The following TUBA3E variants were observed in gnomAD, a reference collection of about 807,000 sequenced individuals.
The protein encoded by TUBA3E is tubulin alpha 3e, also known as tubulin alpha-3E chain.
TUBA3E carries 21 observed loss-of-function variants against 36.7 expected under a neutral mutation model. The ratio of observed to expected loss-of-function variants is 0.57; its 90% CI spans 0.41 to 0.83. The LOEUF is 0.83. TUBA3E is among the 40% of genes least tolerant of loss of function. TUBA3E has a pLI of 0.00. For synonymous variants in TUBA3E, 177 were observed against 241.9 expected (o/e 0.73, Z 2.49); for missense variants, 469 against 604.2 (o/e 0.78, Z 2.35).
chr2:130,191,838 G>T lies in TUBA3E; in HGVS notation c.1346C>A (p.Ala449Glu), dbSNP rs10208844. ...SVEAEAEEGE[A>E]Y ...ACCCACCACACCCTCCCCTCAGTAT[G>T]CTTCGCCTTCTTCAGCCTCAGCTTC... The change falls in exon 5 of 5, where the codon GCA becomes GAA. Residue 449 changes from alanine (A) to glutamate (E), a missense_variant. Physicochemically the swap from Ala to Glu is moderately radical, Grantham distance 107. This residue lies in a region of TUBA3E where 296 missense variants were observed against 346.9 expected (regional missense o/e 0.85). Coordinates refer to ENST00000312988, the MANE Select transcript of TUBA3E (RefSeq NM_207312.3). The T allele has an allele frequency of 0.94, 1,498,907 of 1,597,308 alleles. 703,845 individuals are homozygous for T. The highest frequency in any genetic ancestry group is 1 in the East Asian group (44,784 of 44,792).
At chr2:130,193,533 C>T (rs1268869128) in intron 4 of TUBA3E, among the ~76,000 whole-genome samples, 6 of 149,204 alleles carry the variant, frequency 4.0e-5, no homozygotes, top group Admixed American at 2.7e-4. Context: ...TGCTTGAACC[C>T]GGGAGGCAGA....
At position 130,191,914 on chromosome 2, in the gene TUBA3E, C is replaced by T. The variant is rs1690268674; in HGVS notation, c.1270G>A (p.Asp424Asn). 1.9e-6 allele frequency: 3 copies of T among 1,614,024 alleles called. No homozygotes were observed. The highest frequency in any genetic ancestry group is 1.1e-5 in the South Asian group (1 of 91,074). ...CAATCCTTCTCTAGAGCTGCCAGGTCCTCGCGGGCCTCAGAGAACTCTCCC... is the reference window on the plus strand; with the variant it reads ...CAATCCTTCTCTAGAGCTGCCAGGTTCTCGCGGGCCTCAGAGAACTCTCCC... ...EEGEFSEARE[D>N]LAALEKDCEE... Residue 424 changes from aspartate (D) to asparagine (N), a missense_variant, in exon 5 of 5, where the codon GAC (aspartate) becomes AAC (asparagine). Coordinates refer to ENST00000312988, the MANE Select transcript of TUBA3E (RefSeq NM_207312.3).
intron 1 of TUBA3E, among the ~76,000 whole-genome samples, chr2:130,197,329 A>G (rs1405688241): frequency 6.8e-6 from 1 of 147,106 alleles, no homozygotes; most frequent in Admixed American, 7.0e-5. Flanking sequence ...CCTATGAAAA[A>G]TTTACAAATT....
At chr2:130,197,002 C>A (rs1690423362) in intron 1 of TUBA3E, among the ~76,000 whole-genome samples, 1 of 152,174 alleles carries the variant, frequency 6.6e-6, no homozygotes, top group South Asian at 2.1e-4. Context: ...CCTCCTTGGC[C>A]CCTTCCTGCT....
chr2:130,195,037 T>G (rs1481924279), intron 3 of TUBA3E, 42 bp downstream of exon 3: 3 of 1,606,620 alleles, frequency 1.9e-6, no homozygotes, highest in African/African-American at 2.7e-5. Flanking sequence ...GAACTACCCC[T>G]CCCATGCAAG....
intron 3 of TUBA3E, 127 bp from the exon 4 acceptor site, chr2:130,194,593 G>A (rs756310546): frequency 1.6e-6 from 2 of 1,220,658 alleles, no homozygotes; most frequent in South Asian, 3.3e-5. Context: ...TAATAAACAT[G>A]CAATACACTT....
rs1307957770 is a variant in TUBA3E, at chr2:130,198,089, C to T, written c.3+269G>A. Reference sequence around the variant, plus strand: ...GCGCCCTCCTGTCTTCAGGAGGCGACGCCACTATTTGCTCTCTGGGGGACG... The same window carrying T: ...GCGCCCTCCTGTCTTCAGGAGGCGATGCCACTATTTGCTCTCTGGGGGACG... On this transcript the variant is annotated intron_variant, in intron 1 of 4. Transcript: ENST00000312988. Among the ~76,000 whole-genome samples the T allele has an allele frequency of 6.5e-5, 8 of 123,024 alleles. 3 individuals carry two copies. Among genetic ancestry groups the T allele is most frequent in the Non-Finnish European group, 1.3e-4 (7 of 55,840 alleles). 80.7% of individuals were successfully genotyped at this position (123,024 alleles called of 152,430 possible).
rs147970089 is a variant in TUBA3E at position 130,197,274 on chromosome 2, G to A, written c.4-903C>T. Among the ~76,000 whole-genome samples the A allele has an allele frequency of 1.7e-3, 251 of 151,770 alleles. 2 individuals are homozygous for A. Among genetic ancestry groups the A allele is most frequent in the African/African-American group, 5.8e-3 (239 of 41,414 alleles). ...GAAGGCTGAGGTGAGAGGATCACTT[G>A]GGACCAGTTTGAGACCAGCCTGGGT... is the stretch of plus-strand genomic sequence containing the variant. On this transcript the variant is annotated intron_variant, in intron 1 of 4. Transcript: ENST00000312988.
At position 130,194,193 on chromosome 2, in the gene TUBA3E, G is replaced by T. The variant is rs199933182; in HGVS notation, c.649C>A (p.Leu217Met). The change falls in exon 4 of 5, where the codon CTG becomes ATG. Residue 217 changes from leucine to methionine, a missense_variant. Transcript: ENST00000312988. ...GTGTACGTGGGACGTTCAATGTCCAGGTTGCGCCGACATATGTCATAGATG... is the reference window on the plus strand; with the variant it reads ...GTGTACGTGGGACGTTCAATGTCCATGTTGCGCCGACATATGTCATAGATG... ...EAIYDICRRN[L>M]DIERPTYTNL... 1.9e-5 allele frequency: 31 copies of T among 1,613,152 alleles called. No individual in the cohort carries two copies. Among genetic ancestry groups the T allele is most frequent in the Non-Finnish European group, 2.5e-5 (30 of 1,179,980 alleles).
Position 130,191,941 on chromosome 2 carries a change from C to G in TUBA3E, c.1243G>C (p.Glu415Gln). The G allele has an allele frequency of 6.2e-7, 1 of 1,614,068 alleles. No homozygotes were observed. Among genetic ancestry groups the G allele is most frequent in the Non-Finnish European group, 8.5e-7 (1 of 1,180,008 alleles). Residue 415 changes from glutamate (E) to glutamine (Q), a missense_variant, in exon 5 of 5, where the codon GAG (glutamate) becomes CAG (glutamine). Glu to Gln is a conservative substitution (Grantham distance 29). Around this residue, in one of 3 missense-constraint regions of TUBA3E, gnomAD observed 296 missense variants for 346.9 expected, o/e 0.85. Coordinates refer to ENST00000312988, the MANE Select transcript of TUBA3E (RefSeq NM_207312.3). ...VHWYVGEGME[E>Q]GEFSEAREDL... ...TCGCGGGCCTCAGAGAACTCTCCCT[C>G]TTCCATGCCTTCGCCCACGTACCAG...
At position 130,195,114 on chromosome 2, in the gene TUBA3E, T is replaced by C. The variant is rs1392654688; in HGVS notation, c.340A>G (p.Ile114Val). The stretch of plus-strand genomic sequence containing the variant: ...ATCCGGTCCAGGACTAGGTCAACAA[T>C]CTCCTTGCCGATGGTGTAATGGCCC... ...ARGHYTIGKE[I>V]VDLVLDRIRK... The change falls in exon 3 of 5, where the codon ATT becomes GTT. Residue 114 changes from isoleucine to valine, a missense_variant. This residue lies in a region of TUBA3E where 169 missense variants were observed against 239.0 expected (regional missense o/e 0.71). Coordinates refer to ENST00000312988, the MANE Select transcript of TUBA3E (RefSeq NM_207312.3). 1.9e-6 allele frequency: 3 copies of C among 1,611,144 alleles called. No homozygotes were observed. The Admixed American group carries it at 5.0e-5, about 27-fold the overall frequency.
chr2:130,195,994 T>C (rs1265354374), intron 2 of TUBA3E, among the ~76,000 whole-genome samples, 155 bp downstream of exon 2: 1 of 152,228 alleles, frequency 6.6e-6, no homozygotes, highest in Non-Finnish European at 1.5e-5. Flanking sequence ...GACACTTTCA[T>C]CACAAACCTT....
In TUBA3E at chr2:130,194,021, G is replaced by A; in HGVS notation, c.821C>T (p.Pro274Leu). Residue 274 changes from proline (P) to leucine (L), a missense_variant, in exon 4 of 5, where the codon CCA becomes CTA. Around this residue, in one of 3 missense-constraint regions of TUBA3E, gnomAD observed 296 missense variants for 346.9 expected, o/e 0.85. Transcript: ENST00000312988. ...RIHFPLATYA[P>L]VISAEKAYHE... is the part of the protein sequence containing the mutation. ...GTAGGCCTTCTCAGCTGAGATGACT[G>A]GGGCGTAGGTGGCCAGGGGGAAGTG... 1.9e-6 allele frequency: 3 copies of A among 1,614,208 alleles called. No homozygotes were observed. The highest frequency in any genetic ancestry group is 2.5e-6 in the Non-Finnish European group (3 of 1,180,034).
rs777048012 is a variant in TUBA3E, at chr2:130,193,929, A to C, written c.913T>G (p.Cys305Gly). The C allele has an allele frequency of 6.2e-7, 1 of 1,614,232 alleles. No homozygotes were observed. Among genetic ancestry groups the C allele is most frequent in the South Asian group, 1.1e-5 (1 of 91,088 alleles). The change falls in exon 4 of 5, where the codon TGT (cysteine) becomes GGT (glycine). Residue 305 changes from cysteine to glycine, a missense_variant. Cys to Gly is a radical substitution (Grantham distance 159, BLOSUM62 -3). This residue lies in a region of TUBA3E where 296 missense variants were observed against 346.9 expected (regional missense o/e 0.85). Coordinates refer to ENST00000312988, the MANE Select transcript of TUBA3E (RefSeq NM_207312.3). The stretch of plus-strand genomic sequence containing the variant: ...ATGTACTTGCCATGGCGAGGGTCAC[A>C]CTTGACCATCTGATTGGCTGGCTCG... ...CFEPANQMVK[C>G]DPRHGKYMAC...
chr2:130,195,158 G>T lies in TUBA3E; in HGVS notation c.296C>A (p.Ala99Glu). 6.2e-7 allele frequency: 1 copy of T among 1,613,836 alleles called. No individual in the cohort carries two copies. The highest frequency in any genetic ancestry group is 8.5e-7 in the Non-Finnish European group (1 of 1,179,926). ...ATGGCCCCTGGCGTAATTACTGGCT[G>T]CATCTTCCTTCCCGGTGATCAGCTG... The part of the protein sequence containing the change: ...PEQLITGKED[A>E]ASNYARGHYT... Residue 99 changes from alanine to glutamate, a missense_variant, in exon 3 of 5, where the codon GCA becomes GAA. This residue lies in a region of TUBA3E where 169 missense variants were observed against 239.0 expected (regional missense o/e 0.71). Transcript: ENST00000312988.
At chr2:130,192,213 C>T in intron 4 of TUBA3E, 86 bp from the exon 5 acceptor site, 1 of 1,522,560 alleles carries the variant, frequency 6.6e-7, no homozygotes, top group Non-Finnish European at 8.8e-7. Context: ...AGAAGACACC[C>T]TGTAGGTGAC....
At chr2:130,196,905 C>G (rs928911779) in intron 1 of TUBA3E, among the ~76,000 whole-genome samples, 8 of 152,152 alleles carry the variant, frequency 5.3e-5, no homozygotes, top group African/African-American at 2.4e-5. Flanking sequence ...AGAGGCCTTC[C>G]TCGCCCTCTG....
intron 2 of TUBA3E, 147 bp downstream of exon 2, chr2:130,196,002 C>T (rs1324604860): frequency 1.5e-5 from 21 of 1,393,842 alleles, no homozygotes; most frequent in Non-Finnish European, 1.8e-5. Flanking sequence ...CATCACAAAC[C>T]TTTCAGTTTC....
intron 3 of TUBA3E, among the ~76,000 whole-genome samples, chr2:130,194,713 T>C (rs1690361710): frequency 1.3e-5 from 2 of 152,316 alleles, no homozygotes; most frequent in Admixed American, 6.5e-5. Flanking sequence ...AATCTTGCTC[T>C]GTTGCCCAGG....
Sources: gnomAD v4.1 joint callset for allele counts (sites outside exome capture counted in the v4.1 genomes callset) on GRCh38, gnomAD v4.1.1 for gene constraint, gnomAD v4.1.1 regional missense constraint, MANE v1.5 for transcripts, NCBI Gene and HGNC (gene_info 2026-07-23, HGNC 2026-07-21) for gene names.